The following TMEM132D variants were observed in gnomAD, a reference collection of about 807,000 sequenced individuals.
TMEM132D encodes transmembrane protein 132D.
In TMEM132D, 21 loss-of-function variants were observed where a neutral mutation model predicts 62.3. That is an observed-to-expected ratio of 0.34 (90% CI 0.24 to 0.49). The LOEUF is 0.49. Among genes scored for constraint, TMEM132D ranks in the 20% least tolerant of loss-of-function variants. TMEM132D has a pLI of 0.99. For synonymous variants in TMEM132D, 621 were observed against 575.6 expected (o/e 1.08, Z -1.13); for missense variants, 1,346 against 1,402.8 (o/e 0.96, Z 0.65).
chr12:129,716,745 G>C (rs1868589642), intron 1 of TMEM132D, among the ~76,000 whole-genome samples: 3 of 152,330 alleles, frequency 2.0e-5, no homozygotes, highest in Admixed American at 1.3e-4. Context: ...GGGTGCTTAA[G>C]AGTGGAAGAG....
chr12:129,688,893 T>G lies in TMEM132D; in HGVS notation c.968+10917A>C, dbSNP rs899406662. On this transcript the variant is annotated intron_variant, in intron 2 of 8. Coordinates refer to ENST00000422113, the MANE Select transcript of TMEM132D (RefSeq NM_133448.3). ...CTATGCAAGAGGTGAATTTGCTCTATGAATATTTTCTCCCACAACCATAAT... is the reference window on the plus strand; with the variant it reads ...CTATGCAAGAGGTGAATTTGCTCTAGGAATATTTTCTCCCACAACCATAAT... 4.6e-5 allele frequency among the ~76,000 whole-genome samples: 7 copies of G among 152,338 alleles called. No individual in the cohort carries two copies. The South Asian group carries it at 6.2e-4, about 14-fold the overall frequency.
chr12:129,688,849 C>T (rs1298678604), intron 2 of TMEM132D, among the ~76,000 whole-genome samples: 1 of 152,198 alleles, frequency 6.6e-6, no homozygotes, highest in East Asian at 1.9e-4. Flanking sequence ...CACCTTAAAT[C>T]CAAATGCAGA....
At chr12:129,795,502 G>A (rs895806439) in intron 1 of TMEM132D, among the ~76,000 whole-genome samples, 1 of 152,212 alleles carries the variant, frequency 6.6e-6, no homozygotes, top group African/African-American at 2.4e-5. Context: ...GTGGTGCCAA[G>A]GCTGCTGGCC....
At chr12:129,324,809 T>C (rs374438637) in intron 4 of TMEM132D, among the ~76,000 whole-genome samples, 1 of 151,976 alleles carries the variant, frequency 6.6e-6, no homozygotes, top group Admixed American at 6.6e-5. Flanking sequence ...GCCTGGGCAA[T>C]AGAGCGAGAC....
intron 1 of TMEM132D, among the ~76,000 whole-genome samples, chr12:129,733,246 G>A (rs1401636595): frequency 6.6e-6 from 1 of 152,184 alleles, no homozygotes; most frequent in Non-Finnish European, 1.5e-5. Flanking sequence ...ATCTGTGGCT[G>A]CCATCTGAGA....
chr12:129,132,039 A>G (rs1876390088), intron 5 of TMEM132D, among the ~76,000 whole-genome samples: 2 of 152,234 alleles, frequency 1.3e-5, no homozygotes, highest in East Asian at 3.8e-4. Context: ...ATCTCTATTT[A>G]CAAAAGAGTG....
chr12:129,405,877 G>C (rs1443429873), intron 3 of TMEM132D, among the ~76,000 whole-genome samples: 1 of 152,088 alleles, frequency 6.6e-6, no homozygotes, highest in Non-Finnish European at 1.5e-5. Flanking sequence ...AAGATACCAG[G>C]TCTTTTTCTT....
intron 1 of TMEM132D, among the ~76,000 whole-genome samples, chr12:129,767,221 G>T (rs1443795574): frequency 6.6e-6 from 1 of 152,190 alleles, no homozygotes; most frequent in Non-Finnish European, 1.5e-5. Flanking sequence ...TGCTTTGGCT[G>T]TTTCTTTGGG....
chr12:129,839,276 T>C (rs1031305431), intron 1 of TMEM132D, among the ~76,000 whole-genome samples: 8 of 151,644 alleles, frequency 5.3e-5, no homozygotes, highest in African/African-American at 1.9e-4. Flanking sequence ...ATTACAGGTG[T>C]GTGCCACCAT....
chr12:129,296,085 CAT>C (rs1167638298), intron 4 of TMEM132D, among the ~76,000 whole-genome samples: 274 of 146,086 alleles, frequency 1.9e-3, no homozygotes, highest in African/African-American at 5.2e-3. Flanking sequence ...CACACACACA[CAT>C]ATATATATAT....
intron 4 of TMEM132D, among the ~76,000 whole-genome samples, chr12:129,304,406 G>T (rs1212363829): frequency 1.4e-5 from 2 of 146,986 alleles, no homozygotes; most frequent in Non-Finnish European, 3.0e-5. Flanking sequence ...CCATGCAAAG[G>T]CCAAGTCATG....
intron 3 of TMEM132D, among the ~76,000 whole-genome samples, chr12:129,508,461 T>C (rs1189763630): frequency 6.6e-6 from 1 of 152,158 alleles, no homozygotes; most frequent in Non-Finnish European, 1.5e-5. Flanking sequence ...ATTTGTAAAA[T>C]ATTTGCTCTT....
chr12:129,634,985 T>C (rs747560291), intron 2 of TMEM132D, among the ~76,000 whole-genome samples: 2 of 152,246 alleles, frequency 1.3e-5, no homozygotes, highest in Non-Finnish European at 2.9e-5. Context: ...ATTCCTTTAT[T>C]GAAGTGTTTA....
At chr12:129,160,770 G>C (rs1361788246) in intron 5 of TMEM132D, among the ~76,000 whole-genome samples, 2 of 152,148 alleles carry the variant, frequency 1.3e-5, no homozygotes, top group African/African-American at 4.8e-5. Context: ...TTACTACAAA[G>C]AAAAAAGAAA....
chr12:129,317,767 A>T (rs1195098447), intron 4 of TMEM132D, among the ~76,000 whole-genome samples: 1 of 152,178 alleles, frequency 6.6e-6, no homozygotes, highest in African/African-American at 2.4e-5. Context: ...CTTCTTCCTC[A>T]GGAAAGCTGA....
chr12:129,312,266 A>G (rs910284198), intron 4 of TMEM132D, among the ~76,000 whole-genome samples: 1 of 152,228 alleles, frequency 6.6e-6, no homozygotes, highest in African/African-American at 2.4e-5. Context: ...GAGAACTCCT[A>G]TCTTGTTTCA....
chr12:129,903,213 C>A lies in TMEM132D; in HGVS notation c.79+48G>T. 1 of 1,546,426 alleles carries A rather than the reference C, an allele frequency of 6.5e-7. No homozygotes were observed. Among genetic ancestry groups the A allele is most frequent in the East Asian group, 2.4e-5 (1 of 40,846 alleles). On this transcript the variant is annotated intron_variant, in intron 1 of 8. Transcript: ENST00000422113. The surrounding 1 kb of genome is among the most constrained non-coding windows in gnomAD (Gnocchi z 6.2). ...TCCTCCACACACTCCCACACACTCACTCCAGGCGAAGTTAGTCCCCGGGCC... is the reference window on the plus strand; with the variant it reads ...TCCTCCACACACTCCCACACACTCAATCCAGGCGAAGTTAGTCCCCGGGCC...
At chr12:129,430,110 G>T (rs1302608540) in intron 3 of TMEM132D, among the ~76,000 whole-genome samples, 1 of 152,140 alleles carries the variant, frequency 6.6e-6, no homozygotes, top group East Asian at 1.9e-4. Flanking sequence ...TAATGGGATG[G>T]CTGGGTCAAA....
intron 1 of TMEM132D, among the ~76,000 whole-genome samples, chr12:129,740,002 T>C (rs551872556): frequency 2.6e-5 from 4 of 152,256 alleles, no homozygotes; most frequent in African/African-American, 9.6e-5. Context: ...GCCGAAACCA[T>C]GTTCTTCAGT....
Sources: allele counts gnomAD v4.1 joint callset (sites outside exome capture counted in the v4.1 genomes callset), GRCh38; gene constraint gnomAD v4.1.1; non-coding constraint Gnocchi (gnomAD v3.1); transcripts MANE v1.5; gene names NCBI Gene and HGNC (gene_info 2026-07-23, HGNC 2026-07-21).